Variants in EPHA3 observed in about 807,000 individuals in gnomAD.
The protein encoded by EPHA3 is ephrin type-A receptor 3.
A neutral mutation model predicts 107.1 loss-of-function variants in EPHA3; 42 were observed. That is an observed-to-expected ratio of 0.39 (90% CI 0.31 to 0.51). EPHA3 has a LOEUF of 0.51. Among genes scored for constraint, EPHA3 ranks in the 20% least tolerant of loss-of-function variants. The pLI is 0.78. For synonymous variants in EPHA3, 461 were observed against 424.8 expected, an observed-to-expected ratio of 1.09 and a Z score of -1.05; for missense variants, 1,183 against 1,211.2, an observed-to-expected ratio of 0.98 and a Z score of 0.35.
At chr3:89,309,423 G>C (rs1706712892) in intron 3 of EPHA3, among the ~76,000 whole-genome samples, 1 of 152,038 alleles carries the variant, frequency 6.6e-6, no homozygotes, top group African/African-American at 2.4e-5. Flanking sequence ...CACCTTTTAT[G>C]GTGTCTAACA....
rs533668368 is a variant in EPHA3 at position 89,358,140 on chromosome 3, G to T, written c.1306+16050G>T. Among the ~76,000 whole-genome samples the T allele has an allele frequency of 2.0e-5, 3 of 151,088 alleles. 1 individual carries two copies. In the South Asian group the frequency reaches 6.3e-4, roughly 31 times the overall value. ...AGTCTAACAGATATGAAAGAAGAGA[G>T]ACTTTTTTTTACTAAAATATTTGAA... On this transcript the variant is annotated intron_variant, in intron 5 of 16. Coordinates refer to ENST00000336596, the MANE Select transcript of EPHA3 (RefSeq NM_005233.6).
chr3:89,408,229 CA>C, intron 9 of EPHA3, 98 bp downstream of exon 9: 1 of 1,178,636 alleles, frequency 8.5e-7, no homozygotes, highest in Non-Finnish European at 1.2e-6. Flanking sequence ...AAAGAGACTT[CA>C]AAAGTAGTTT....
intron 3 of EPHA3, among the ~76,000 whole-genome samples, chr3:89,246,853 G>A (rs554380321): frequency 6.6e-6 from 1 of 152,202 alleles, no homozygotes; most frequent in East Asian, 1.9e-4. Flanking sequence ...CTGGAAGTAA[G>A]GTTGGTTTAA....
chr3:89,290,488 A>G (rs575072627), intron 3 of EPHA3, among the ~76,000 whole-genome samples: 5 of 152,316 alleles, frequency 3.3e-5, no homozygotes, highest in Admixed American at 2.0e-4. Flanking sequence ...TGAAAACAAT[A>G]CAATAGTAAG....
rs533355067 is a variant in EPHA3 at position 89,428,412 on chromosome 3, G to A, written c.2075-694G>A. ...CTATTTAAATACATTAAAATGCTGG[G>A]TTAAAGGTTTCATGGTATTTTAGGC... On this transcript the variant is annotated intron_variant, in intron 11 of 16. Transcript: ENST00000336596. 1.2e-3 allele frequency among the ~76,000 whole-genome samples: 185 copies of A among 152,092 alleles called. 1 individual carries two copies. The highest frequency in any genetic ancestry group is 4.3e-3 in the African/African-American group (180 of 41,528).
intron 1 of EPHA3, among the ~76,000 whole-genome samples, chr3:89,112,322 C>T (rs1707129118): frequency 6.6e-6 from 1 of 151,892 alleles, no homozygotes; most frequent in Non-Finnish European, 1.5e-5. Flanking sequence ...TTATGGTTGG[C>T]TCGTTGGTCA....
chr3:89,331,116 T>A (rs1707277098), intron 3 of EPHA3, among the ~76,000 whole-genome samples: 1 of 152,184 alleles, frequency 6.6e-6, no homozygotes. Flanking sequence ...TGTGCAAGTG[T>A]GCAATGTATT....
chr3:89,398,865 C>T (rs1708899338), intron 6 of EPHA3, among the ~76,000 whole-genome samples: 1 of 152,086 alleles, frequency 6.6e-6, no homozygotes, highest in African/African-American at 2.4e-5. Context: ...TGCGGTGGCT[C>T]ATGCCTGTAA....
chr3:89,406,184 G>A (rs1043693988), intron 7 of EPHA3, among the ~76,000 whole-genome samples: 1 of 152,176 alleles, frequency 6.6e-6, no homozygotes, highest in Non-Finnish European at 1.5e-5. Context: ...AGGAGATGGA[G>A]AGGAGAAGGT....
At chr3:89,276,868 C>G (rs1388197359) in intron 3 of EPHA3, among the ~76,000 whole-genome samples, 1 of 152,076 alleles carries the variant, frequency 6.6e-6, no homozygotes, top group African/African-American at 2.4e-5. Context: ...GCAGTATTCT[C>G]TTGAAAAGAT....
intron 2 of EPHA3, among the ~76,000 whole-genome samples, chr3:89,191,246 C>T (rs917023516): frequency 6.6e-6 from 1 of 151,848 alleles, no homozygotes; most frequent in Non-Finnish European, 1.5e-5. Flanking sequence ...CCAGAGTTCC[C>T]ATGATTCCTA....
chr3:89,266,552 T>G (rs1390661833), intron 3 of EPHA3, among the ~76,000 whole-genome samples: 6 of 152,064 alleles, frequency 3.9e-5, no homozygotes, highest in Non-Finnish European at 7.4e-5. Flanking sequence ...CTGATTTTTT[T>G]AAAGTAAATA....
intron 5 of EPHA3, among the ~76,000 whole-genome samples, chr3:89,373,182 AC>A (rs1708340744): frequency 6.6e-6 from 1 of 151,884 alleles, no homozygotes; most frequent in African/African-American, 2.4e-5. Flanking sequence ...GCAAAGACTT[AC>A]AAAAGTAAAT....
At chr3:89,179,393 C>T (rs1295001711) in intron 2 of EPHA3, among the ~76,000 whole-genome samples, 1 of 151,940 alleles carries the variant, frequency 6.6e-6, no homozygotes, top group African/African-American at 2.4e-5. Flanking sequence ...TTAGTTACCA[C>T]CATTTGCCTT....
intron 3 of EPHA3, among the ~76,000 whole-genome samples, chr3:89,226,948 G>A (rs1704515571): frequency 6.6e-6 from 1 of 152,012 alleles, no homozygotes; most frequent in African/African-American, 2.4e-5. Context: ...GGATATAGAT[G>A]GTGATGTGTC....
chr3:89,412,986 G>A (rs1273352509), intron 9 of EPHA3, among the ~76,000 whole-genome samples, 155 bp from the exon 10 acceptor site: 2 of 151,708 alleles, frequency 1.3e-5, no homozygotes, highest in African/African-American at 4.8e-5. Context: ...ACAGTCCAAT[G>A]TCACTGCCAG....
intron 13 of EPHA3, among the ~76,000 whole-genome samples, chr3:89,434,973 T>C (rs186465603): frequency 2.6e-4 from 40 of 152,252 alleles, no homozygotes; most frequent in African/African-American, 9.6e-4. Context: ...GTTTCTAGAG[T>C]AATTTAAACA....
chr3:89,204,608 A>ATGTGTGTGTGTGTGTG (rs71621535), intron 2 of EPHA3, among the ~76,000 whole-genome samples: 121 of 148,762 alleles, frequency 8.1e-4, no homozygotes, highest in African/African-American at 2.5e-3. Flanking sequence ...CTGTGTGTAA[A>ATGTGTGTGTGTGTGTG]TGTGTGTGTG....
chr3:89,267,107 A>G (rs545575341), intron 3 of EPHA3, among the ~76,000 whole-genome samples: 1 of 152,274 alleles, frequency 6.6e-6, no homozygotes, highest in East Asian at 1.9e-4. Context: ...TAGAAATCAG[A>G]TTCTTTCTAA....
Sources: gnomAD v4.1 joint callset for allele counts (sites outside exome capture counted in the v4.1 genomes callset) on GRCh38, gnomAD v4.1.1 for gene constraint, MANE v1.5 for transcripts, NCBI Gene and HGNC (gene_info 2026-07-23, HGNC 2026-07-21) for gene names.